SLC8A2: variants seen among roughly 807,000 people sequenced by gnomAD.
SLC8A2 encodes the protein sodium/calcium exchanger 2.
A neutral mutation model predicts 70.2 loss-of-function variants in SLC8A2; 14 were observed. The observed-to-expected ratio is 0.20, with a 90% CI of 0.13 to 0.31. The LOEUF is 0.31. Ranked by LOEUF, SLC8A2 falls within the 10% of genes least tolerant of loss-of-function variation. The pLI, the probability that SLC8A2 is intolerant of heterozygous loss-of-function variation, is 1.00. For synonymous variants in SLC8A2, 575 were observed against 594.3 expected, an observed-to-expected ratio of 0.97 and a Z score of 0.47; for missense variants, 779 against 1,320.1, an observed-to-expected ratio of 0.59 and a Z score of 6.35.
At position 47,432,387 on chromosome 19, in the gene SLC8A2, G is replaced by C; in HGVS notation, c.2169C>G (p.Asp723Glu). 5 of 1,613,226 alleles carry C rather than the reference G, an allele frequency of 3.1e-6. No individual in the cohort carries two copies. The highest frequency in any genetic ancestry group is 4.2e-6 in the Non-Finnish European group (5 of 1,179,626). ...SREERLPSCF[D>E]YVMHFLTVFW... ...ACACCGTCAGGAAGTGCATCACGTA[G>C]TCAAAGCACGACGGCAGCCGCTCCT... The change falls in exon 9 of 10, where the codon GAC becomes GAG. Residue 723 changes from aspartate to glutamate, a missense_variant. Around this residue, in one of 6 missense-constraint regions of SLC8A2, gnomAD observed 247 missense variants for 362.8 expected, o/e 0.68. Coordinates refer to ENST00000236877, the MANE Select transcript of SLC8A2 (RefSeq NM_015063.3). The surrounding 1 kb of genome is among the most constrained non-coding windows in gnomAD (Gnocchi z 6.2).
Position 47,428,900 on chromosome 19 carries a change from G to A in SLC8A2, c.*1189C>T, listed in dbSNP as rs1463138426. The stretch of plus-strand genomic sequence containing the variant: ...GGCACTGCCCAAATGTGTCCTTTGG[G>A]CAGGAAACATCAACAGTAAGAAAAT... On this transcript the variant is annotated 3_prime_UTR_variant, in exon 10 of 10. Transcript: ENST00000236877. 6.6e-6 allele frequency: 1 copy of A among 152,422 alleles called. No homozygotes were observed. The highest frequency in any genetic ancestry group is 6.6e-5 in the Admixed American group (1 of 15,258). 9.4% of individuals were successfully genotyped at this position (152,422 alleles called of 1,614,324 possible). A position where few individuals can be genotyped will look rare whatever the true frequency, so the allele number is the denominator to read the frequency against.
In SLC8A2 at chr19:47,437,918, C is replaced by A. The variant is rs960486045; in HGVS notation, c.1941G>T (p.Glu647Asp). Residue 647 changes from glutamate to aspartate, a missense_variant, in exon 7 of 10, where the codon GAG becomes GAT. By Grantham distance (45) the Glu-to-Asp change is conservative. Around this residue, in one of 6 missense-constraint regions of SLC8A2, gnomAD observed 247 missense variants for 362.8 expected, o/e 0.68. Transcript: ENST00000236877. ...TCTCCCCAAGAACTGGCTTGCCCAT[C>A]TCTGCTATCCTCCGAGCCTCCTCCT... ...AEEEEARRIA[E>D]MGKPVLGENC... The A allele has an allele frequency of 4.3e-6, 7 of 1,614,002 alleles. No individual in the cohort carries two copies. The African/African-American group carries it at 9.3e-5, about 22-fold the overall frequency.
At position 47,428,849 on chromosome 19, in the gene SLC8A2, T is replaced by G. The variant is rs1488169804; in HGVS notation, c.*1240A>C. ...GCAGAAAGTTATGGGGGTAGTTGGG[T>G]CATCCTAGGGGCCCAAGGAGTGGGT... On this transcript the variant is annotated 3_prime_UTR_variant, in exon 10 of 10. Transcript: ENST00000236877. 2.0e-5 allele frequency: 3 copies of G among 152,256 alleles called. No homozygotes were observed. The allele number at this position is 152,256 out of a possible 1,614,324, so 9.4% of individuals were successfully genotyped here.
At position 47,457,277 on chromosome 19, in the gene SLC8A2, C is replaced by G; in HGVS notation, c.993G>C (p.Leu331=). The G allele has an allele frequency of 6.5e-7, 1 of 1,547,184 alleles. No homozygotes were observed. Among genetic ancestry groups the G allele is most frequent in the Non-Finnish European group, 8.7e-7 (1 of 1,145,656 alleles). ...AGTTGGCGATGCCCACCAGCTGCTC[C>G]AGATCCTTGTCCGGGTGCTTCTGCT... The part of the protein sequence containing the change: ...DLKQKHPDKD[L]EQLVGIANYY... The change falls in exon 3 of 10, where the codon CTG becomes CTC. Residue 331 remains leucine (L), a synonymous_variant. Coordinates refer to ENST00000236877, the MANE Select transcript of SLC8A2 (RefSeq NM_015063.3).
In SLC8A2 at chr19:47,460,735, G is replaced by A. The variant is rs182301646; in HGVS notation, c.676-3141C>T. Among the ~76,000 whole-genome samples the A allele has an allele frequency of 3.8e-4, 57 of 151,092 alleles. No homozygotes were observed. The East Asian group carries it at 5.6e-3, about 15-fold the overall frequency. On this transcript the variant is annotated intron_variant, in intron 2 of 9. Transcript: ENST00000236877. Reference sequence around the variant, plus strand: ...AAAGAAAAAGAAAAAAAAGAACATCGCCATCGTTATTATTTAGTACTATTA... The same window carrying A: ...AAAGAAAAAGAAAAAAAAGAACATCACCATCGTTATTATTTAGTACTATTA...
At chr19:47,464,256 C>A (rs1483643713) in intron 2 of SLC8A2, among the ~76,000 whole-genome samples, 1 of 151,970 alleles carries the variant, frequency 6.6e-6, no homozygotes, top group Non-Finnish European at 1.5e-5. Flanking sequence ...GGATTACAGG[C>A]GGGTACCACC....
chr19:47,451,579 G>A (rs1967236091), intron 3 of SLC8A2, among the ~76,000 whole-genome samples: 1 of 152,258 alleles, frequency 6.6e-6, no homozygotes, highest in African/African-American at 2.4e-5. Context: ...AAAGTGCTGG[G>A]ATTGCAGGCA....
chr19:47,447,591 G>A lies in SLC8A2; in HGVS notation c.1763+218C>T. ...CACTCAGGCCCCTCTCCTCCTGAGGGCCCAGCTGTTCAGTGAAGCCCCGCC... is the reference window on the plus strand; with the variant it reads ...CACTCAGGCCCCTCTCCTCCTGAGGACCCAGCTGTTCAGTGAAGCCCCGCC... On this transcript the variant is annotated intron_variant, in intron 4 of 9. Transcript: ENST00000236877. This position sits in a 1 kb window ranked among gnomAD's most constrained non-coding sequence, Gnocchi z 5.1. 2 of 528,638 alleles carry A rather than the reference G, an allele frequency of 3.8e-6. No individual in the cohort carries two copies. The highest frequency in any genetic ancestry group is 6.5e-6 in the Non-Finnish European group (2 of 305,750). The allele number at this position is 528,638 out of a possible 1,614,324, so 32.7% of individuals were successfully genotyped here. A position where few individuals can be genotyped will look rare whatever the true frequency, so the allele number is the denominator to read the frequency against.
intron 9 of SLC8A2, among the ~76,000 whole-genome samples, chr19:47,431,668 AAAAAAAAAAAAAC>A (rs1416818712): frequency 1.1e-3 from 148 of 135,984 alleles, no homozygotes; most frequent in Non-Finnish European, 1.9e-3. Context: ...AAAAAAAAAA[AAAAAAAAAAAAAC>A]AAAACCCAAA....
At chr19:47,452,277 C>T (rs567822701) in intron 3 of SLC8A2, among the ~76,000 whole-genome samples, 1 of 152,054 alleles carries the variant, frequency 6.6e-6, no homozygotes, top group Non-Finnish European at 1.5e-5. Flanking sequence ...TGCAGTGGCA[C>T]AATCTTGGCT....
rs749950952 is a variant in SLC8A2, at chr19:47,430,053, C to G, written c.*36G>C. 18 of 1,548,526 alleles carry G rather than the reference C, an allele frequency of 1.2e-5. No homozygotes were observed. The South Asian group carries it at 2.0e-4, about 18-fold the overall frequency. On this transcript the variant is annotated 3_prime_UTR_variant, in exon 10 of 10. Transcript: ENST00000236877. This position sits in a 1 kb window ranked among gnomAD's most constrained non-coding sequence, Gnocchi z 5.9. ...GCAGGTGCAGCCGAGTCCCTAGCCC[C>G]GGGCGGGCGGTGGGGACGAGTCTCT...
At chr19:47,442,072 A>C (rs566315343) in intron 4 of SLC8A2, among the ~76,000 whole-genome samples, 7 of 152,314 alleles carry the variant, frequency 4.6e-5, no homozygotes, top group Admixed American at 4.6e-4. Flanking sequence ...ACTGCACTCC[A>C]GCCTGGCAAC....
At chr19:47,444,387 G>A (rs1967134399) in intron 4 of SLC8A2, among the ~76,000 whole-genome samples, 1 of 152,100 alleles carries the variant, frequency 6.6e-6, no homozygotes, top group Non-Finnish European at 1.5e-5. Flanking sequence ...AGACGGCCAT[G>A]TGGGGACATC....
In SLC8A2 at chr19:47,465,728, C is replaced by T; in HGVS notation, c.675+1G>A. ...GAAAGCATCTATGCGTCTTTGCTCACCTGGACCACACCGGGGGAAAAAACA... is the reference window on the plus strand; with the variant it reads ...GAAAGCATCTATGCGTCTTTGCTCATCTGGACCACACCGGGGGAAAAAACA... On this transcript the variant is annotated splice_donor_variant, in intron 2 of 9. Coordinates refer to ENST00000236877, the MANE Select transcript of SLC8A2 (RefSeq NM_015063.3). LOFTEE classifies it high-confidence loss of function. The surrounding 1 kb of genome is among the most constrained non-coding windows in gnomAD (Gnocchi z 5.5). 6.2e-7 allele frequency: 1 copy of T among 1,607,100 alleles called. No individual in the cohort carries two copies.
Position 47,457,266 on chromosome 19 carries a change from A to G in SLC8A2, c.1004T>C (p.Val335Ala). Residue 335 changes from valine to alanine, a missense_variant, in exon 3 of 10, where the codon GTG (valine) becomes GCG (alanine). Physicochemically the swap from Val to Ala is moderately conservative, Grantham distance 64. This residue lies in a region of SLC8A2 where 186 missense variants were observed against 246.6 expected (regional missense o/e 0.75). Transcript: ENST00000236877. ...CAGCGCGTAGTAGTTGGCGATGCCCACCAGCTGCTCCAGATCCTTGTCCGG... is the reference window on the plus strand; with the variant it reads ...CAGCGCGTAGTAGTTGGCGATGCCCGCCAGCTGCTCCAGATCCTTGTCCGG... ...KHPDKDLEQLVGIANYYALLH... is the reference protein window; with the variant it reads ...KHPDKDLEQLAGIANYYALLH... 1 of 1,547,082 alleles carries G rather than the reference A, an allele frequency of 6.5e-7. No homozygotes were observed. Among genetic ancestry groups the G allele is most frequent in the African/African-American group, 1.4e-5 (1 of 72,538 alleles).
intron 8 of SLC8A2, 30 bp downstream of exon 8, chr19:47,437,430 TTC>T: frequency 1.5e-6 from 2 of 1,358,908 alleles, no homozygotes; most frequent in Non-Finnish European, 2.1e-6. Context: ...CTCTCCATCT[TTC>T]TCTCTTCTCT....
At chr19:47,438,381 T>C (rs1967058147) in intron 6 of SLC8A2, among the ~76,000 whole-genome samples, 1 of 152,158 alleles carries the variant, frequency 6.6e-6, no homozygotes, top group South Asian at 2.1e-4. Context: ...CAATACATGT[T>C]ACTATCTTTA....
intron 6 of SLC8A2, 72 bp downstream of exon 6, chr19:47,441,097 G>A (rs1967093948): frequency 8.9e-6 from 13 of 1,459,896 alleles, no homozygotes; most frequent in Non-Finnish European, 1.2e-5. Flanking sequence ...GTAGCTTTGG[G>A]GCTGGGACCC....
intron 2 of SLC8A2, among the ~76,000 whole-genome samples, chr19:47,462,674 A>C (rs1599859278): frequency 1.6e-5 from 2 of 122,496 alleles, no homozygotes; most frequent in African/African-American, 6.3e-5. Context: ...TGCAAACTTC[A>C]CCTCCCAGGT....
Sources: gnomAD v4.1 joint callset for allele counts (sites outside exome capture counted in the v4.1 genomes callset) on GRCh38, gnomAD v4.1.1 for gene constraint, gnomAD v4.1.1 regional missense constraint, Gnocchi (gnomAD v3.1) non-coding constraint, MANE v1.5 for transcripts, NCBI Gene and HGNC (gene_info 2026-07-23, HGNC 2026-07-21) for gene names.